RARB: variants seen among roughly 807,000 people sequenced by gnomAD.
The protein encoded by RARB is retinoic acid receptor beta, also known as HBV-activated protein.
A neutral mutation model predicts 51.9 loss-of-function variants in RARB; 17 were observed. The observed-to-expected ratio is 0.33, with a 90% confidence interval of 0.22 to 0.49. RARB has a LOEUF of 0.49. Among genes scored for constraint, RARB ranks in the 20% least tolerant of loss-of-function variants. The pLI, the probability that RARB is intolerant of heterozygous loss-of-function variation, is 0.99. For missense variants in RARB, 369 were observed against 550.8 expected, an observed-to-expected ratio of 0.67 and a Z score of 3.30; for synonymous variants, 215 against 195.4, an observed-to-expected ratio of 1.10 and a Z score of -0.84.
intron 5 of RARB, among the ~76,000 whole-genome samples, chr3:25,336,813 T>C (rs578084540): frequency 1.3e-5 from 2 of 152,256 alleles, no homozygotes; most frequent in Admixed American, 6.5e-5. Flanking sequence ...TATCACATTA[T>C]GTTCAGGATG....
intron 3 of RARB, among the ~76,000 whole-genome samples, chr3:25,130,236 G>A (rs1699924264): frequency 6.6e-6 from 1 of 151,996 alleles, no homozygotes; most frequent in Non-Finnish European, 1.5e-5. Context: ...TTTACACATG[G>A]TTTTCACTGT....
intron 5 of RARB, among the ~76,000 whole-genome samples, chr3:25,367,651 A>C (rs1437933197): frequency 1.5e-5 from 1 of 65,302 alleles, no homozygotes; most frequent in Non-Finnish European, 2.9e-5. Context: ...ACCCATCTCT[A>C]TAAAAAAAAA....
intron 2 of RARB, among the ~76,000 whole-genome samples, chr3:24,926,586 T>G (rs1007468648): frequency 1.3e-5 from 2 of 152,074 alleles, no homozygotes; most frequent in African/African-American, 4.8e-5. Context: ...GAGCTAGTGA[T>G]GCTTCGAGGT....
Position 25,176,438 on chromosome 3 carries a change from C to A in RARB, c.178+1863C>A, listed in dbSNP as rs142086694. On this transcript the variant is annotated intron_variant, in intron 5 of 11. Coordinates refer to the RARB transcript ENST00000383772. ...TTGAGATGGTATCTCGCTCTGTCGC[C>A]GGGCCAGAGTGCAGTGGTGTGATCT... Among the ~76,000 whole-genome samples, 538 of 148,976 alleles carry A rather than the reference C, an allele frequency of 3.6e-3. 3 individuals carry two copies. Among genetic ancestry groups the A allele is most frequent in the African/African-American group, 0.012 (500 of 40,206 alleles).
chr3:25,049,806 T>C (rs1698290599), intron 2 of RARB, among the ~76,000 whole-genome samples: 1 of 152,248 alleles, frequency 6.6e-6, no homozygotes. Flanking sequence ...GCATTTCAGT[T>C]AATCACTTGA....
intron 5 of RARB, among the ~76,000 whole-genome samples, chr3:25,179,028 C>T (rs914408766): frequency 3.3e-5 from 5 of 152,138 alleles, no homozygotes; most frequent in African/African-American, 1.2e-4. Context: ...TCTTAAAATG[C>T]GAATTCTTTT....
At chr3:25,416,834 G>T (rs1707718751) in intron 5 of RARB, among the ~76,000 whole-genome samples, 1 of 152,120 alleles carries the variant, frequency 6.6e-6, no homozygotes, top group East Asian at 1.9e-4. Context: ...CTTCTATGGG[G>T]CACTCAGCAA....
intron 2 of RARB, among the ~76,000 whole-genome samples, chr3:25,049,054 A>G (rs1698275620): frequency 6.6e-6 from 1 of 152,176 alleles, no homozygotes; most frequent in Non-Finnish European, 1.5e-5. Context: ...GCCCAGCTCC[A>G]AGACCACTTT....
chr3:25,371,528 T>C (rs1440419146), intron 5 of RARB, among the ~76,000 whole-genome samples: 2 of 152,360 alleles, frequency 1.3e-5, no homozygotes, highest in East Asian at 1.9e-4. Context: ...ATTGAATTAA[T>C]GAAGAAATAA....
intron 2 of RARB, among the ~76,000 whole-genome samples, chr3:25,004,144 G>T (rs1002103898): frequency 7.9e-5 from 12 of 152,066 alleles, no homozygotes; most frequent in Admixed American, 6.6e-4. Flanking sequence ...TGAAGGTTTT[G>T]TAGGATGTTT....
chr3:25,153,910 C>G (rs1259956081), intron 4 of RARB, among the ~76,000 whole-genome samples: 2 of 152,170 alleles, frequency 1.3e-5, no homozygotes, highest in East Asian at 1.9e-4. Context: ...AAGAGCCAGG[C>G]AAATTGGAGC....
At chr3:24,839,315 C>T (rs1487886031) in intron 1 of RARB, among the ~76,000 whole-genome samples, 2 of 151,956 alleles carry the variant, frequency 1.3e-5, no homozygotes, top group East Asian at 3.9e-4. Context: ...GCCTAGAATA[C>T]CACTTTTTCT....
At chr3:24,967,541 G>A (rs1296987265) in intron 2 of RARB, among the ~76,000 whole-genome samples, 1 of 152,134 alleles carries the variant, frequency 6.6e-6, no homozygotes, top group Non-Finnish European at 1.5e-5. Flanking sequence ...TCTTTCAGCA[G>A]ATTTGCCAGG....
chr3:24,840,655 ATGTCT>A (rs1211448167), intron 1 of RARB, among the ~76,000 whole-genome samples: 2 of 151,500 alleles, frequency 1.3e-5, no homozygotes, highest in Non-Finnish European at 1.5e-5. Context: ...ATGTATGTAA[ATGTCT>A]TTTATAGCAT....
chr3:25,423,172 G>A (rs1285215072), intron 5 of RARB, among the ~76,000 whole-genome samples: 4 of 152,154 alleles, frequency 2.6e-5, no homozygotes, highest in African/African-American at 7.2e-5. Context: ...AATTTTGTGC[G>A]TCCATCAAAT....
intron 5 of RARB, among the ~76,000 whole-genome samples, chr3:25,327,582 A>G (rs1276203309): frequency 3.9e-5 from 6 of 152,228 alleles, no homozygotes; most frequent in Non-Finnish European, 7.3e-5. Context: ...AAGGTCTCAG[A>G]ATGTTTCTCT....
chr3:24,878,727 AAATC>A (rs1302509579), intron 2 of RARB, among the ~76,000 whole-genome samples: 2 of 152,136 alleles, frequency 1.3e-5, no homozygotes, highest in Non-Finnish European at 2.9e-5. Flanking sequence ...TGAAGTCTAA[AAATC>A]AACCAGTTGA....
At chr3:25,572,336 T>G (rs2125290958) in intron 4 of RARB, among the ~76,000 whole-genome samples, 1 of 152,346 alleles carries the variant, frequency 6.6e-6, no homozygotes, top group Middle Eastern at 3.4e-3. Context: ...TTATTGAGCA[T>G]TTACTATGTA....
At chr3:25,234,227 A>C (rs1237900260) in intron 5 of RARB, among the ~76,000 whole-genome samples, 1 of 152,124 alleles carries the variant, frequency 6.6e-6, no homozygotes, top group Non-Finnish European at 1.5e-5. Context: ...CTATGTATTC[A>C]ATTTATTTAA....
Sources: allele counts gnomAD v4.1 joint callset (sites outside exome capture counted in the v4.1 genomes callset), GRCh38; gene constraint gnomAD v4.1.1; transcripts MANE v1.5; gene names NCBI Gene and HGNC (gene_info 2026-07-23, HGNC 2026-07-21).